CEP350: variants seen among roughly 807,000 people sequenced by gnomAD.
CEP350 encodes centrosome-associated protein 350.
CEP350 carries 126 observed loss-of-function variants against 331.8 expected under a neutral mutation model. The observed-to-expected ratio is 0.38, with a 90% CI of 0.33 to 0.44. The LOEUF (loss-of-function observed/expected upper bound fraction) is 0.44. Among genes scored for constraint, CEP350 ranks in the 20% least tolerant of loss-of-function variants. CEP350 has a pLI of 1.00. For missense variants in CEP350, 3,406 were observed against 3,634.6 expected, an observed-to-expected ratio of 0.94 and a Z score of 1.62; for synonymous variants, 1,200 against 1,259.5, an observed-to-expected ratio of 0.95 and a Z score of 1.00.
At chr1:180,075,948 C>T (rs952791243) in intron 28 of CEP350, among the ~76,000 whole-genome samples, 64 of 150,542 alleles carry the variant, frequency 4.3e-4, no homozygotes, top group African/African-American at 1.4e-3. Flanking sequence ...AGCGAGACTC[C>T]GTATCTCAAG....
At chr1:180,050,510 A>G (rs1006732061) in intron 22 of CEP350, among the ~76,000 whole-genome samples, 9 of 152,028 alleles carry the variant, frequency 5.9e-5, no homozygotes, top group Non-Finnish European at 1.3e-4. Flanking sequence ...TAAAAATACA[A>G]AAATTATCTG....
chr1:179,992,011 A>T, intron 4 of CEP350, 51 bp from the exon 5 acceptor site: 1 of 1,455,500 alleles, frequency 6.9e-7, no homozygotes, highest in Non-Finnish European at 9.0e-7. Context: ...CCTAATTCAG[A>T]GGCAGTTGTA....
chr1:179,968,030 G>A (rs1025037944), intron 1 of CEP350, among the ~76,000 whole-genome samples: 8 of 152,074 alleles, frequency 5.3e-5, no homozygotes, highest in Non-Finnish European at 8.8e-5. Flanking sequence ...GCGTGAACTA[G>A]GGATATAAAG....
intron 36 of CEP350, among the ~76,000 whole-genome samples, chr1:180,098,489 T>G (rs1404338152): frequency 6.6e-6 from 1 of 152,054 alleles, no homozygotes; most frequent in African/African-American, 2.4e-5. Context: ...TACAGTCATG[T>G]ACCACCATGC....
chr1:180,018,345 A>G (rs1655101064), intron 11 of CEP350, among the ~76,000 whole-genome samples: 1 of 152,036 alleles, frequency 6.6e-6, no homozygotes, highest in African/African-American at 2.4e-5. Context: ...AAGTATATTC[A>G]TTTTTGTCTC....
intron 1 of CEP350, among the ~76,000 whole-genome samples, chr1:179,973,704 G>A (rs961549044): frequency 6.6e-6 from 1 of 152,064 alleles, no homozygotes; most frequent in South Asian, 2.1e-4. Flanking sequence ...TGTTATCAGC[G>A]GGTCAAATTT....
chr1:180,031,174 G>A, intron 14 of CEP350, 146 bp from the exon 15 acceptor site: 1 of 470,294 alleles, frequency 2.1e-6, no homozygotes, highest in Non-Finnish European at 3.8e-6. Flanking sequence ...TTTAGATATG[G>A]AAAACAGATT....
chr1:180,059,728 CAAAG>C (rs1658080362), intron 25 of CEP350, among the ~76,000 whole-genome samples: 1 of 149,910 alleles, frequency 6.7e-6, no homozygotes, highest in African/African-American at 2.5e-5. Context: ...TTCTTAAAAA[CAAAG>C]AAAGTATCCC....
chr1:180,030,513 A>C lies in CEP350; in HGVS notation c.3551-807A>C, dbSNP rs908946807. ...CAAGATGAATAGTGTACTAGACTAGAGTCAGGAGGCCTGGGTGTATGTCAT... is the reference window on the plus strand; with the variant it reads ...CAAGATGAATAGTGTACTAGACTAGCGTCAGGAGGCCTGGGTGTATGTCAT... On this transcript the variant is annotated intron_variant, in intron 14 of 37. Coordinates refer to ENST00000367607, the MANE Select transcript of CEP350 (RefSeq NM_014810.5). 4.6e-5 allele frequency among the ~76,000 whole-genome samples: 7 copies of C among 151,940 alleles called. No individual in the cohort carries two copies. In the East Asian group the frequency reaches 1.3e-3, roughly 29 times the overall value.
intron 37 of CEP350, among the ~76,000 whole-genome samples, chr1:180,100,792 G>T (rs1305182777): frequency 1.3e-5 from 2 of 152,196 alleles, no homozygotes; most frequent in East Asian, 3.9e-4. Context: ...AAGAGAAAAT[G>T]AGGAGGAAGC....
At position 180,004,884 on chromosome 1, in the gene CEP350, TTGCTTGCTTGCTTG is replaced by T. The variant is rs1558092956; in HGVS notation, c.1133-1569_1133-1556del. ...CAGGCAGGCTGGCTGGCTTGCTTGC[TTGCTTGCTTGCTTG>T]CTTGCTTGCTTTCTTTCTTTCTTTC... On this transcript the variant is annotated intron_variant, in intron 7 of 37. Coordinates refer to ENST00000367607, the MANE Select transcript of CEP350 (RefSeq NM_014810.5). Among the ~76,000 whole-genome samples the T allele has an allele frequency of 2.7e-4, 19 of 71,074 alleles. 1 individual carries two copies. Among genetic ancestry groups the T allele is most frequent in the South Asian group, 2.0e-3 (3 of 1,520 alleles). The allele number at this position is 71,074 out of a possible 152,430, so 46.6% of individuals were successfully genotyped here. A position where few individuals can be genotyped will look rare whatever the true frequency, so the allele number is the denominator to read the frequency against.
chr1:180,093,962 T>G lies in CEP350; in HGVS notation c.7857T>G (p.Ser2619Arg). 1 of 1,613,870 alleles carries G rather than the reference T, an allele frequency of 6.2e-7. No homozygotes were observed. The highest frequency in any genetic ancestry group is 8.5e-7 in the Non-Finnish European group (1 of 1,179,822). ...ATTTTTATGAGAAATCCCTACCTAG[T>G]GTGAATGATATAGAAGCCTCAGTTA... ...SEYFYEKSLP[S>R]VNDIEASVNR... Residue 2619 changes from serine (S) to arginine (R), a missense_variant, in exon 34 of 38, where the codon AGT becomes AGG. Physicochemically the swap from Ser to Arg is moderately radical, Grantham distance 110 (BLOSUM62 -1). Around this residue, in one of 5 missense-constraint regions of CEP350, gnomAD observed 1,415 missense variants for 1,512.3 expected, o/e 0.94. Transcript: ENST00000367607.
Position 180,087,724 on chromosome 1 carries a change from AT to A in CEP350, c.6425+12del, listed in dbSNP as rs764249706. 7 of 1,497,120 alleles carry A rather than the reference AT, an allele frequency of 4.7e-6. No homozygotes were observed. The South Asian group carries it at 1.0e-4, about 21-fold the overall frequency. 92.7% of individuals were successfully genotyped at this position (1,497,120 alleles called of 1,614,324 possible). A position where few individuals can be genotyped will look rare whatever the true frequency, so the allele number is the denominator to read the frequency against. ...CCCTCACACCACTACACAGGTAGAA[AT>A]TTTTGATAACTTGTCTGTATTCTGC... On this transcript the variant is annotated splice_region_variant and intron_variant, in intron 32 of 37. Coordinates refer to ENST00000367607, the MANE Select transcript of CEP350 (RefSeq NM_014810.5).
chr1:180,020,440 T>A lies in CEP350; in HGVS notation c.2666T>A (p.Phe889Tyr), dbSNP rs371696567. ...PPVKDDNEDV[F>Y]SARIQKMLGS... is the part of the protein sequence containing the mutation. ...GTGAAAGATGATAATGAAGATGTTT[T>A]CTCTGCCAGAATTCAGAAGATGCTG... The change falls in exon 12 of 38, where the codon TTC (phenylalanine) becomes TAC (tyrosine). Residue 889 changes from phenylalanine to tyrosine, a missense_variant. By Grantham distance (22) the Phe-to-Tyr change is conservative. Transcript: ENST00000367607. 5.6e-6 allele frequency: 9 copies of A among 1,613,858 alleles called. No homozygotes were observed. In the African/African-American group the frequency reaches 9.3e-5, roughly 17 times the overall value.
chr1:179,968,256 G>T (rs770903385), intron 1 of CEP350, among the ~76,000 whole-genome samples: 2 of 151,620 alleles, frequency 1.3e-5, no homozygotes, highest in African/African-American at 2.4e-5. Flanking sequence ...GCTTGATCCC[G>T]GGAGGTAGAG....
chr1:180,021,357 T>C (rs1430813226), intron 12 of CEP350, among the ~76,000 whole-genome samples: 1 of 152,082 alleles, frequency 6.6e-6, no homozygotes, highest in African/African-American at 2.4e-5. Context: ...TGTACTTCAG[T>C]AGAAACTAAG....
chr1:180,099,066 G>C, intron 37 of CEP350, 81 bp downstream of exon 37: 1 of 1,354,908 alleles, frequency 7.4e-7, no homozygotes, highest in Non-Finnish European at 1.0e-6. Flanking sequence ...AAAGGAAAAG[G>C]GATAGACTTA....
intron 14 of CEP350, among the ~76,000 whole-genome samples, chr1:180,026,378 C>G (rs1655678214): frequency 6.6e-6 from 1 of 152,170 alleles, no homozygotes; most frequent in Admixed American, 6.5e-5. Context: ...CTCCTGGGCT[C>G]AAGCAATCCT....
chr1:179,988,792 G>T (rs1652836792), intron 3 of CEP350, among the ~76,000 whole-genome samples: 1 of 150,680 alleles, frequency 6.6e-6, no homozygotes, highest in South Asian at 2.1e-4. Context: ...GATATTTTCT[G>T]TCCTCTAATC....
Sources: gnomAD v4.1 joint callset for allele counts (sites outside exome capture counted in the v4.1 genomes callset) on GRCh38, gnomAD v4.1.1 for gene constraint, gnomAD v4.1.1 regional missense constraint, MANE v1.5 for transcripts, NCBI Gene and HGNC (gene_info 2026-07-23, HGNC 2026-07-21) for gene names.